C18orf54: variants seen among roughly 807,000 people sequenced by gnomAD.
C18orf54 encodes the protein lung adenoma susceptibility protein 2.
In C18orf54, 49 loss-of-function variants were observed where a neutral mutation model predicts 49.3. The ratio of observed to expected loss-of-function variants is 0.99; its 90% CI spans 0.79 to 1.26. C18orf54 has a LOEUF of 1.26. C18orf54 is among the 50% of genes most tolerant of loss of function. The pLI is 0.00. For missense variants in C18orf54, 687 were observed against 620.6 expected (o/e 1.11, Z -1.14); for synonymous variants, 211 against 216.6 (o/e 0.97, Z 0.23).
At chr18:54,376,154 C>T (rs551834861) in intron 8 of C18orf54, among the ~76,000 whole-genome samples, 223 of 152,236 alleles carry the variant, frequency 1.5e-3, no homozygotes, top group Middle Eastern at 0.01. Context: ...TCTTTACATT[C>T]CTCAAATAAC....
intron 8 of C18orf54, among the ~76,000 whole-genome samples, chr18:54,377,329 A>C (rs928872974): frequency 1.3e-5 from 2 of 152,220 alleles, no homozygotes; most frequent in East Asian, 3.8e-4. Flanking sequence ...CATGGATTAC[A>C]GGCGTGAGCC....
At chr18:54,370,101 C>G (rs1215870538) in intron 6 of C18orf54, among the ~76,000 whole-genome samples, 1 of 151,822 alleles carries the variant, frequency 6.6e-6, no homozygotes, top group Non-Finnish European at 1.5e-5. Flanking sequence ...ACGGTGAAAC[C>G]CTGTCTCTAC....
At chr18:54,363,120 A>G (rs950306092) in intron 5 of C18orf54, among the ~76,000 whole-genome samples, 199 bp downstream of exon 5, 1 of 152,202 alleles carries the variant, frequency 6.6e-6, no homozygotes, top group African/African-American at 2.4e-5. Context: ...GGTACTTTAT[A>G]TAACATCTGT....
intron 6 of C18orf54, 109 bp from the exon 7 acceptor site, chr18:54,372,357 G>C (rs755143134): frequency 1.9e-6 from 2 of 1,071,524 alleles, no homozygotes; most frequent in Non-Finnish European, 2.5e-6. Context: ...GACATACATT[G>C]TTTGGAGTTT....
intron 8 of C18orf54, among the ~76,000 whole-genome samples, chr18:54,374,560 T>C (rs925144782): frequency 6.6e-6 from 1 of 151,894 alleles, no homozygotes; most frequent in Non-Finnish European, 1.5e-5. Flanking sequence ...CAATTTATGA[T>C]AGTATTTTTG....
intron 6 of C18orf54, among the ~76,000 whole-genome samples, chr18:54,371,695 A>G (rs1254575533): frequency 6.6e-6 from 1 of 152,156 alleles, no homozygotes; most frequent in African/African-American, 2.4e-5. Context: ...TATGCTAATC[A>G]ACAACTTTCT....
intron 8 of C18orf54, among the ~76,000 whole-genome samples, chr18:54,375,896 TAG>T (rs2089562013): frequency 9.0e-5 from 1 of 11,138 alleles, no homozygotes; most frequent in African/African-American, 8.5e-4. Context: ...GAAGTAAGCT[TAG>T]ACTTACAAAA....
chr18:54,369,824 C>T (rs1468728118), intron 6 of C18orf54, among the ~76,000 whole-genome samples: 1 of 152,038 alleles, frequency 6.6e-6, no homozygotes, highest in Non-Finnish European at 1.5e-5. Context: ...TACTGTTTTC[C>T]AGAGTTACTT....
At chr18:54,370,705 G>T (rs1391525588) in intron 6 of C18orf54, among the ~76,000 whole-genome samples, 8 of 152,162 alleles carry the variant, frequency 5.3e-5, no homozygotes, top group Admixed American at 5.2e-4. Flanking sequence ...GGCACAAACA[G>T]TTCATATGTT....
In C18orf54 at chr18:54,370,942, G is replaced by GT. The variant is rs35364198; in HGVS notation, c.1327-1511dup. Among the ~76,000 whole-genome samples the GT allele has an allele frequency of 7.1e-3, 1,015 of 143,736 alleles. 11 individuals are homozygous for GT. The highest frequency in any genetic ancestry group is 0.027 in the East Asian group (134 of 4,982). 94.3% of individuals were successfully genotyped at this position (143,736 alleles called of 152,430 possible). On this transcript the variant is annotated intron_variant, in intron 6 of 8. Coordinates refer to ENST00000620105, the MANE Select transcript of C18orf54 (RefSeq NM_001288980.2). ...TATCCTAACTGGATCCTTTTACCCTGTTTTTTTTTTTTTCTTTTTAAAATG... is the reference window on the plus strand; with the variant it reads ...TATCCTAACTGGATCCTTTTACCCTGTTTTTTTTTTTTTTCTTTTTAAAATG...
intron 5 of C18orf54, among the ~76,000 whole-genome samples, chr18:54,364,329 T>C (rs1264017728): frequency 2.0e-5 from 3 of 152,132 alleles, no homozygotes; most frequent in African/African-American, 7.2e-5. Context: ...TGCTTAAAAT[T>C]ATTGAATGCA....
Position 54,362,078 on chromosome 18 carries a change from G to A in C18orf54, c.719G>A (p.Trp240Ter), listed in dbSNP as rs1599326675. The A allele has an allele frequency of 1.3e-6, 2 of 1,544,554 alleles. No homozygotes were observed. The highest frequency in any genetic ancestry group is 1.2e-5 in the South Asian group (1 of 84,666). ...AGTCTTGAAAAGAATTACCCAAGATGGCTCACTAGCCAGAAATCTGACCTT... is the reference window on the plus strand; with the variant it reads ...AGTCTTGAAAAGAATTACCCAAGATAGCTCACTAGCCAGAAATCTGACCTT... ...EHSLEKNYPR[W>*]LTSQKSDLNV... Residue 240 changes from tryptophan to a stop codon, truncating the protein, a stop_gained, in exon 4 of 9, where the codon TGG (tryptophan) becomes TAG (stop). Transcript: ENST00000620105. LOFTEE classifies it high-confidence loss of function.
At chr18:54,365,199 G>T (rs1420845177) in intron 5 of C18orf54, among the ~76,000 whole-genome samples, 1 of 151,988 alleles carries the variant, frequency 6.6e-6, no homozygotes, top group Non-Finnish European at 1.5e-5. Context: ...GACTGAGATT[G>T]CATGCAGGAA....
chr18:54,360,968 CAT>C, intron 3 of C18orf54, 113 bp downstream of exon 3: 2 of 1,015,644 alleles, frequency 2.0e-6, no homozygotes, highest in Non-Finnish European at 1.4e-6. Context: ...GTAAAAATAA[CAT>C]AATATTGAGA....
intron 6 of C18orf54, among the ~76,000 whole-genome samples, chr18:54,371,579 A>C (rs1053879061): frequency 6.6e-6 from 1 of 152,100 alleles, no homozygotes; most frequent in African/African-American, 2.4e-5. Context: ...TGTTTTCTAC[A>C]ATGGCTATAG....
rs1347301943 is a variant in C18orf54 at position 54,361,077 on chromosome 18, C to CA, written c.283+224dup. Among the ~76,000 whole-genome samples the CA allele has an allele frequency of 2.0e-5, 3 of 152,256 alleles. No homozygotes were observed. In the East Asian group the frequency reaches 5.8e-4, roughly 29 times the overall value. On this transcript the variant is annotated intron_variant, in intron 3 of 8. Transcript: ENST00000620105. Reference sequence around the variant, plus strand: ...GTCCATAATAAAGCTTCCTTGAAGACAAGTTTGGAAAATGCAGTTGTTGAT... The same window carrying CA: ...GTCCATAATAAAGCTTCCTTGAAGACAAAGTTTGGAAAATGCAGTTGTTGAT...
intron 8 of C18orf54, among the ~76,000 whole-genome samples, chr18:54,375,791 G>A (rs1264784988): frequency 6.6e-6 from 1 of 151,838 alleles, no homozygotes; most frequent in East Asian, 1.9e-4. Flanking sequence ...TTTGTTAGAT[G>A]GCCTTTAGTT....
chr18:54,360,078 T>C (rs1446411897), intron 2 of C18orf54, among the ~76,000 whole-genome samples: 2 of 152,216 alleles, frequency 1.3e-5, no homozygotes, highest in Non-Finnish European at 2.9e-5. Flanking sequence ...CTTCATTTGA[T>C]GGCTTTAAAA....
At chr18:54,365,016 GA>G (rs1183673078) in intron 5 of C18orf54, among the ~76,000 whole-genome samples, 2 of 151,902 alleles carry the variant, frequency 1.3e-5, no homozygotes, top group African/African-American at 4.8e-5. Context: ...TTTTGGTGGG[GA>G]TACCCTTTCT....
Sources: gnomAD v4.1 joint callset for allele counts (sites outside exome capture counted in the v4.1 genomes callset) on GRCh38, gnomAD v4.1.1 for gene constraint, MANE v1.5 for transcripts, NCBI Gene and HGNC (gene_info 2026-07-23, HGNC 2026-07-21) for gene names.